Variants in NIM1K observed in about 807,000 individuals in gnomAD.
NIM1K encodes NIM1 serine/threonine protein kinase.
NIM1K carries 35 observed loss-of-function variants against 37.1 expected under a neutral mutation model. The observed-to-expected ratio is 0.94, with a 90% CI of 0.72 to 1.25. NIM1K has a LOEUF of 1.25. Ranked by LOEUF, NIM1K falls within the 50% of genes most tolerant of loss-of-function variation. NIM1K has a pLI of 0.00. For missense variants in NIM1K, 564 were observed against 548.0 expected, an observed-to-expected ratio of 1.03 and a Z score of -0.29; for synonymous variants, 234 against 206.6, an observed-to-expected ratio of 1.13 and a Z score of -1.14.
At chr5:43,265,763 A>C (rs1417723891) in intron 2 of NIM1K, among the ~76,000 whole-genome samples, 5 of 152,090 alleles carry the variant, frequency 3.3e-5, no homozygotes, top group Non-Finnish European at 2.9e-5. Context: ...GGTTTTATCT[A>C]CCTTTGGTCT....
intron 2 of NIM1K, among the ~76,000 whole-genome samples, chr5:43,247,412 G>T (rs1363752483): frequency 1.3e-5 from 2 of 152,176 alleles, no homozygotes; most frequent in African/African-American, 4.8e-5. Context: ...GCCTTGCCTT[G>T]CCTTGCCTCT....
At chr5:43,204,231 G>A (rs912754907) in intron 1 of NIM1K, among the ~76,000 whole-genome samples, 9 of 150,240 alleles carry the variant, frequency 6.0e-5, no homozygotes, top group Non-Finnish European at 8.9e-5. Context: ...TTACAGGCAC[G>A]TACCACCACT....
intron 2 of NIM1K, among the ~76,000 whole-genome samples, chr5:43,263,832 A>T (rs1017409993): frequency 6.6e-6 from 1 of 152,062 alleles, no homozygotes; most frequent in Non-Finnish European, 1.5e-5. Context: ...CTGTGTTCTT[A>T]TTGGTTTCAA....
rs1027585628 is a variant in NIM1K, at chr5:43,217,994, G to A, written c.-695+25583G>A. On this transcript the variant is annotated intron_variant, in intron 1 of 3. Coordinates refer to ENST00000326035, the MANE Select transcript of NIM1K (RefSeq NM_153361.4). ...CCCAAAGTGCTGGGATTACAGGCGT[G>A]AGCCTCCGTGCCCAGACCTCTATTT... is the stretch of plus-strand genomic sequence containing the variant. 4.9e-4 allele frequency among the ~76,000 whole-genome samples: 75 copies of A among 151,816 alleles called. 1 individual carries two copies. Among genetic ancestry groups the A allele is most frequent in the African/African-American group, 1.2e-4 (5 of 41,278 alleles).
chr5:43,193,148 C>T (rs942335967), intron 1 of NIM1K: 1 of 152,134 alleles, frequency 6.6e-6, no homozygotes, highest in Non-Finnish European at 1.5e-5. Context: ...AAGATCGCAA[C>T]CGGGTCTTTA....
chr5:43,252,824 CAAA>C (rs1752884563), intron 2 of NIM1K, among the ~76,000 whole-genome samples: 1 of 152,104 alleles, frequency 6.6e-6, no homozygotes, highest in Non-Finnish European at 1.5e-5. Flanking sequence ...TTGTCACAAA[CAAA>C]AGAAGTGGCA....
rs893842303 is a variant in NIM1K, at chr5:43,274,660, A to C, written c.293-2397A>C. On this transcript the variant is annotated intron_variant, in intron 2 of 3. Coordinates refer to ENST00000326035, the MANE Select transcript of NIM1K (RefSeq NM_153361.4). ...TGAGATTATTCAAGCCCCAGAGCAA[A>C]CATTCTGCTCCTGCTCCCTTAGAGC... 5.3e-5 allele frequency among the ~76,000 whole-genome samples: 8 copies of C among 152,316 alleles called. No individual in the cohort carries two copies. The South Asian group carries it at 1.7e-3, about 32-fold the overall frequency.
intron 1 of NIM1K, among the ~76,000 whole-genome samples, chr5:43,220,556 C>G (rs1016813810): frequency 4.6e-5 from 7 of 152,172 alleles, no homozygotes. Flanking sequence ...GCTGGGATTA[C>G]AGGCGTGAGC....
intron 1 of NIM1K, among the ~76,000 whole-genome samples, chr5:43,208,496 G>A (rs764498919): frequency 5.3e-5 from 8 of 151,948 alleles, no homozygotes; most frequent in African/African-American, 1.5e-4. Context: ...CCAGCTACTC[G>A]GGAGGCTGAG....
At chr5:43,198,205 T>TCTC (rs1489452367) in intron 1 of NIM1K, among the ~76,000 whole-genome samples, 1 of 40,900 alleles carries the variant, frequency 2.4e-5, no homozygotes, top group Non-Finnish European at 4.7e-5. Context: ...CTTTCTTTCT[T>TCTC]TCTCTTTCTT....
At chr5:43,277,402 C>T in intron 3 of NIM1K, 77 bp downstream of exon 3, 1 of 1,472,170 alleles carries the variant, frequency 6.8e-7, no homozygotes, top group Admixed American at 2.0e-5. Context: ...GTTACTAACC[C>T]TCAAGTGTCC....
chr5:43,207,210 A>G, intron 1 of NIM1K: 1 of 749,690 alleles, frequency 1.3e-6, no homozygotes, highest in Non-Finnish European at 2.5e-6. Flanking sequence ...GCAGAGAGTG[A>G]TTTGGCATAT....
intron 1 of NIM1K, among the ~76,000 whole-genome samples, chr5:43,236,930 G>A (rs1752631482): frequency 6.6e-6 from 1 of 152,154 alleles, no homozygotes; most frequent in Non-Finnish European, 1.5e-5. Context: ...GCACTGCATG[G>A]GGATCTTGAC....
In NIM1K at chr5:43,239,050, A is replaced by G. The variant is rs893682428; in HGVS notation, c.-694-6032A>G. Among the ~76,000 whole-genome samples the G allele has an allele frequency of 2.6e-4, 39 of 151,712 alleles. 4 individuals carry two copies. Among genetic ancestry groups the G allele is most frequent in the African/African-American group, 9.5e-4 (39 of 41,204 alleles). On this transcript the variant is annotated intron_variant, in intron 1 of 3. Transcript: ENST00000326035. ...TCCTCTAACCTTTGAGGTACTTGGTATCTTATAGTTTGAAGCCTTTTTGAG... is the reference window on the plus strand; with the variant it reads ...TCCTCTAACCTTTGAGGTACTTGGTGTCTTATAGTTTGAAGCCTTTTTGAG...
rs1320729778 is a variant in NIM1K, at chr5:43,277,221, G to T, written c.457G>T (p.Ala153Ser). 2.5e-6 allele frequency: 4 copies of T among 1,614,004 alleles called. No homozygotes were observed. Among genetic ancestry groups the T allele is most frequent in the African/African-American group, 2.7e-5 (2 of 74,912 alleles). Reference protein sequence around the residue: ...LSKLHLVMEYAGGGELFGKIS... With the variant: ...LSKLHLVMEYSGGGELFGKIS... Reference sequence around the variant, plus strand: ...CAAGCTGCACTTGGTGATGGAGTATGCAGGGGGTGGGGAGCTCTTCGGAAA... The same window carrying T: ...CAAGCTGCACTTGGTGATGGAGTATTCAGGGGGTGGGGAGCTCTTCGGAAA... The change falls in exon 3 of 4, where the codon GCA becomes TCA. Residue 153 changes from alanine (A) to serine (S), a missense_variant. Ala to Ser is a moderately conservative substitution (Grantham distance 99). Transcript: ENST00000326035.
At chr5:43,206,911 G>A (rs1464708410) in intron 1 of NIM1K, 1 of 769,044 alleles carries the variant, frequency 1.3e-6, no homozygotes. Flanking sequence ...CATGGATTGT[G>A]TTGCTGGATC....
At chr5:43,201,940 AGAGCGAGACTCCCTCT>A (rs1175820105) in intron 1 of NIM1K, among the ~76,000 whole-genome samples, 1 of 151,242 alleles carries the variant, frequency 6.6e-6, no homozygotes. Flanking sequence ...GCCTGGTGAC[AGAGCGAGACTCCCTCT>A]GAGCGAGACT....
rs774521362 is a variant in NIM1K at position 43,280,658 on chromosome 5, A to G, written c.1240A>G (p.Arg414Gly). The change falls in exon 4 of 4, where the codon AGA (arginine) becomes GGA (glycine). Residue 414 changes from arginine to glycine, a missense_variant. Arg to Gly is a moderately radical substitution (Grantham distance 125). Transcript: ENST00000326035. The part of the protein sequence containing the change: ...PVMMLPDPKE[R>G]DLKKGSRVYR... ...CATGATGCTACCAGACCCTAAAGAA[A>G]GAGACCTCAAAAAAGGGTCCCGTGT... 2 of 1,613,886 alleles carry G rather than the reference A, an allele frequency of 1.2e-6. No individual in the cohort carries two copies. The highest frequency in any genetic ancestry group is 3.3e-5 in the Admixed American group (2 of 59,930).
intron 1 of NIM1K, chr5:43,232,889 C>T (rs1201383349): frequency 2.6e-6 from 3 of 1,135,136 alleles, no homozygotes; most frequent in South Asian, 1.2e-5. Context: ...TCTTCCTTGC[C>T]TGTGATGAGC....
Sources: allele counts gnomAD v4.1 joint callset (sites outside exome capture counted in the v4.1 genomes callset), GRCh38; gene constraint gnomAD v4.1.1; transcripts MANE v1.5; gene names NCBI Gene and HGNC (gene_info 2026-07-23, HGNC 2026-07-21).